The following TIAM1 variants were observed in gnomAD, a reference collection of about 807,000 sequenced individuals.
TIAM1 encodes rho guanine nucleotide exchange factor TIAM1.
In TIAM1, 65 loss-of-function variants were observed where a neutral mutation model predicts 163.5. The ratio of observed to expected loss-of-function variants is 0.40; its 90% CI spans 0.33 to 0.49. The LOEUF (loss-of-function observed/expected upper bound fraction) is 0.49, where lower values mean the gene tolerates loss of function less well. Among genes scored for constraint, TIAM1 ranks in the 20% least tolerant of loss-of-function variants. The pLI is 0.77. For missense variants in TIAM1, 1,789 were observed against 2,044.7 expected, an observed-to-expected ratio of 0.87 and a Z score of 2.41; for synonymous variants, 833 against 810.1, an observed-to-expected ratio of 1.03 and a Z score of -0.48.
intron 8 of TIAM1, among the ~76,000 whole-genome samples, chr21:31,220,268 G>T (rs956103415): frequency 2.0e-5 from 3 of 152,202 alleles, no homozygotes; most frequent in African/African-American, 7.2e-5. Flanking sequence ...CAAGAGGACA[G>T]GATCTCTGCG....
At chr21:31,372,703 C>A (rs868675203) in intron 2 of TIAM1, among the ~76,000 whole-genome samples, 2 of 152,126 alleles carry the variant, frequency 1.3e-5, no homozygotes, top group African/African-American at 2.4e-5. Context: ...GGGTAGGTGG[C>A]TTACACCTGT....
intron 1 of TIAM1, among the ~76,000 whole-genome samples, chr21:31,499,953 G>A (rs1358510570): frequency 4.6e-5 from 7 of 151,826 alleles, no homozygotes. Flanking sequence ...AATCCCCTGA[G>A]GTCAGAAGTT....
chr21:31,548,575 G>GC (rs11398429), intron 1 of TIAM1, among the ~76,000 whole-genome samples: 66,929 of 150,516 alleles, frequency 0.44, 16,023 homozygotes, highest in African/African-American at 0.63. Context: ...TGCAAACTCT[G>GC]CTCCTGGGCT....
intron 2 of TIAM1, among the ~76,000 whole-genome samples, chr21:31,387,201 T>C (rs962369748): frequency 8.7e-5 from 9 of 103,204 alleles, no homozygotes; most frequent in South Asian, 4.2e-4. Context: ...TTCTCTTTTT[T>C]TTTTTTTTTT....
intron 2 of TIAM1, among the ~76,000 whole-genome samples, chr21:31,437,502 C>CAAAAAAAAAAAAAAAAAAA (rs778245444): frequency 7.5e-5 from 8 of 106,524 alleles, no homozygotes; most frequent in African/African-American, 2.7e-4. Flanking sequence ...GACCCTGTCT[C>CAAAAAAAAAAAAAAAAAAA]AAAAAAAAAA....
Position 31,314,622 on chromosome 21 carries a change from A to ATTG in TIAM1, c.-189+24620_-189+24621insCAA, listed in dbSNP as rs1212024372. Among the ~76,000 whole-genome samples, 5 of 152,128 alleles carry ATTG rather than the reference A, an allele frequency of 3.3e-5. No individual in the cohort carries two copies. The East Asian group carries it at 9.6e-4, about 29-fold the overall frequency. On this transcript the variant is annotated intron_variant, in intron 2 of 27. Transcript: ENST00000541036. ...TTATCCTATTCCAATATATTTTTTTAGAAATATTGGCTGCAAACCACTAAA... is the reference window on the plus strand; with the variant it reads ...TTATCCTATTCCAATATATTTTTTTATTGGAAATATTGGCTGCAAACCACTAAA...
chr21:31,160,585 C>T (rs2083864977), intron 16 of TIAM1: 2 of 398,458 alleles, frequency 5.0e-6, no homozygotes, highest in Admixed American at 4.4e-5. Flanking sequence ...GTGTTCAGCA[C>T]GGAGACAGAA....
rs568869545 is a variant in TIAM1 at position 31,301,129 on chromosome 21, A to C, written c.-188-24221T>G. Among the ~76,000 whole-genome samples the C allele has an allele frequency of 1.5e-3, 228 of 152,322 alleles. 1 individual carries two copies. Among genetic ancestry groups the C allele is most frequent in the African/African-American group, 5.3e-3 (220 of 41,586 alleles). On this transcript the variant is annotated intron_variant, in intron 2 of 27. Transcript: ENST00000541036. ...CAACCATACACAACAGCTATTATGA[A>C]TATTCCCAGTGCTTAGGACAGGGGC... is the stretch of plus-strand genomic sequence containing the variant.
intron 27 of TIAM1, among the ~76,000 whole-genome samples, chr21:31,122,553 CATT>C (rs1306548405): frequency 1.3e-5 from 2 of 152,082 alleles, no homozygotes; most frequent in African/African-American, 2.4e-5. Context: ...TATAGAAAAA[CATT>C]ATAGAATATA....
At chr21:31,452,485 A>T in intron 2 of TIAM1, 1 of 548,504 alleles carries the variant, frequency 1.8e-6, no homozygotes, top group East Asian at 3.8e-5. Context: ...ACTAGTGTCA[A>T]ATTGCTTGCC....
At chr21:31,124,757 G>T in intron 26 of TIAM1, 63 bp from the exon 27 acceptor site, 2 of 1,378,278 alleles carry the variant, frequency 1.5e-6, no homozygotes, top group Non-Finnish European at 1.9e-6. Context: ...AACTTCTAAG[G>T]TTATCAGGTG....
At position 31,228,220 on chromosome 21, in the gene TIAM1, TAAAAAAAAAAA is replaced by T. The variant is rs71191197; in HGVS notation, c.1585-2281_1585-2271del. Among the ~76,000 whole-genome samples the T allele has an allele frequency of 2.6e-3, 43 of 16,250 alleles. 2 individuals are homozygous for T. The highest frequency in any genetic ancestry group is 7.0e-3 in the African/African-American group (38 of 5,404). The allele number at this position is 16,250 out of a possible 152,430, so 10.7% of individuals were successfully genotyped here. ...GCCACCATGCCCGGCCTCCTTTTTTTAAAAAAAAAAAAAAAAAAAAAAAAAAAAAAAAAAAA... is the reference window on the plus strand; with the variant it reads ...GCCACCATGCCCGGCCTCCTTTTTTTAAAAAAAAAAAAAAAAAAAAAAAAA... On this transcript the variant is annotated intron_variant, in intron 6 of 27. Coordinates refer to ENST00000541036, the MANE Select transcript of TIAM1 (RefSeq NM_001353694.2).
chr21:31,283,463 G>C lies in TIAM1; in HGVS notation c.-188-6555C>G, dbSNP rs143250997. ...ATAACTTTCTCAGGACACACCATGAGAATCATGTGCTTTCTCCAAAATCCA... is the reference window on the plus strand; with the variant it reads ...ATAACTTTCTCAGGACACACCATGACAATCATGTGCTTTCTCCAAAATCCA... On this transcript the variant is annotated intron_variant, in intron 2 of 27. Coordinates refer to ENST00000541036, the MANE Select transcript of TIAM1 (RefSeq NM_001353694.2). Among the ~76,000 whole-genome samples the C allele has an allele frequency of 1.8e-4, 27 of 152,298 alleles. No homozygotes were observed. The East Asian group carries it at 5.2e-3, about 29-fold the overall frequency.
chr21:31,557,637 A>G (rs2123345361), intron 1 of TIAM1, among the ~76,000 whole-genome samples: 1 of 152,276 alleles, frequency 6.6e-6, no homozygotes, highest in Admixed American at 6.5e-5. Flanking sequence ...GTGCATGGGT[A>G]ACCCGATCCG....
chr21:31,245,769 C>G, intron 5 of TIAM1, 109 bp from the exon 6 acceptor site: 1 of 1,071,608 alleles, frequency 9.3e-7, no homozygotes, highest in Non-Finnish European at 1.2e-6. Flanking sequence ...AATTAAAGCA[C>G]GTGGAACCCA....
chr21:31,123,595 A>T lies in TIAM1; in HGVS notation c.4306+927T>A, dbSNP rs186455516. On this transcript the variant is annotated intron_variant, in intron 27 of 27. Transcript: ENST00000541036. ...AAGCCAGGTAGGTTTTGTCTATGAA[A>T]ACCTTCAAGCATTCACACTTCTGTC... Among the ~76,000 whole-genome samples, 4 of 152,306 alleles carry T rather than the reference A, an allele frequency of 2.6e-5. No individual in the cohort carries two copies. The East Asian group carries it at 7.7e-4, about 29-fold the overall frequency.
At chr21:31,246,678 A>G (rs180874705) in intron 5 of TIAM1, among the ~76,000 whole-genome samples, 178 of 152,344 alleles carry the variant, frequency 1.2e-3, no homozygotes, top group African/African-American at 3.6e-3. Context: ...TTAGTAGTGT[A>G]GAATGATGCA....
At chr21:31,491,426 C>T (rs936149770) in intron 1 of TIAM1, among the ~76,000 whole-genome samples, 1 of 152,134 alleles carries the variant, frequency 6.6e-6, no homozygotes, top group African/African-American at 2.4e-5. Context: ...CATATTAAAG[C>T]CAAAAGACAA....
chr21:31,491,327 T>G (rs1379219563), intron 1 of TIAM1, among the ~76,000 whole-genome samples: 1 of 152,216 alleles, frequency 6.6e-6, no homozygotes, highest in Non-Finnish European at 1.5e-5. Flanking sequence ...GTATGTTTGG[T>G]TGGGTGTTTT....
Sources: gnomAD v4.1 joint callset for allele counts (sites outside exome capture counted in the v4.1 genomes callset) on GRCh38, gnomAD v4.1.1 for gene constraint, MANE v1.5 for transcripts, NCBI Gene and HGNC (gene_info 2026-07-23, HGNC 2026-07-21) for gene names.